XKR9: variants seen among roughly 807,000 people sequenced by gnomAD.
The protein encoded by XKR9 is XK related 9.
XKR9 carries 32 observed loss-of-function variants against 32.0 expected under a neutral mutation model. The ratio of observed to expected loss-of-function variants is 1.00; its 90% CI spans 0.76 to 1.34. The LOEUF (loss-of-function observed/expected upper bound fraction) is 1.34. XKR9 is among the 40% of genes most tolerant of loss of function. The pLI is 0.00. For missense variants in XKR9, 546 were observed against 429.7 expected, an observed-to-expected ratio of 1.27 and a Z score of -2.39; for synonymous variants, 168 against 143.4, an observed-to-expected ratio of 1.17 and a Z score of -1.22.
At chr8:70,961,594 TA>T in the XKR9 span, among the ~76,000 whole-genome samples, 72 of 152,328 alleles carry the variant, frequency 4.7e-4, no homozygotes, top group Middle Eastern at 3.4e-3. Context: ...ATATTTCAAT[TA>T]AAAAATATCT....
chr8:70,803,429 T>C, the XKR9 span, among the ~76,000 whole-genome samples: 1 of 152,228 alleles, frequency 6.6e-6, no homozygotes, highest in Non-Finnish European at 1.5e-5. Context: ...ATATTCTAAA[T>C]TCTACTTCTG....
At chr8:71,026,649 A>G in the XKR9 span, among the ~76,000 whole-genome samples, 2 of 152,228 alleles carry the variant, frequency 1.3e-5, no homozygotes, top group Non-Finnish European at 2.9e-5. Flanking sequence ...CACCAAATAA[A>G]CAATTATACA....
the XKR9 span, among the ~76,000 whole-genome samples, chr8:70,834,199 TTTATC>T: frequency 6.6e-6 from 1 of 152,026 alleles, no homozygotes; most frequent in African/African-American, 2.4e-5. Flanking sequence ...TTATAAAAAT[TTTATC>T]TGATATATAA....
the XKR9 span, among the ~76,000 whole-genome samples, chr8:70,968,208 T>G: frequency 6.6e-6 from 1 of 152,244 alleles, no homozygotes; most frequent in Non-Finnish European, 1.5e-5. Context: ...CTGAGATTTT[T>G]TCCTCCATTT....
chr8:70,889,948 G>T, the XKR9 span, among the ~76,000 whole-genome samples: 1 of 152,038 alleles, frequency 6.6e-6, no homozygotes, highest in Non-Finnish European at 1.5e-5. Flanking sequence ...TAATGGGACT[G>T]CTGGGGTTGA....
At chr8:70,984,500 T>A in the XKR9 span, among the ~76,000 whole-genome samples, 1 of 152,210 alleles carries the variant, frequency 6.6e-6, no homozygotes, top group Non-Finnish European at 1.5e-5. Flanking sequence ...CAGTAAAACA[T>A]AAGCCAGCAA....
chr8:71,050,446 A>G, the XKR9 span, among the ~76,000 whole-genome samples: 1 of 152,112 alleles, frequency 6.6e-6, no homozygotes, highest in Non-Finnish European at 1.5e-5. Flanking sequence ...GTAATGATAT[A>G]CGGGGAAGAC....
intron 2 of XKR9, among the ~76,000 whole-genome samples, chr8:70,779,858 G>T (rs1346192014): frequency 6.6e-6 from 1 of 151,796 alleles, no homozygotes; most frequent in Non-Finnish European, 1.5e-5. Flanking sequence ...TTCTTTATTA[G>T]TCTTGCTAGC....
At chr8:70,926,955 A>G in the XKR9 span, among the ~76,000 whole-genome samples, 1 of 151,974 alleles carries the variant, frequency 6.6e-6, no homozygotes, top group Non-Finnish European at 1.5e-5. Context: ...TTCTACCATT[A>G]TTTCTAGAGT....
the XKR9 span, among the ~76,000 whole-genome samples, chr8:70,875,922 C>G: frequency 6.6e-6 from 1 of 151,856 alleles, no homozygotes; most frequent in Admixed American, 6.6e-5. Context: ...AATATATCAG[C>G]AAACCATAAA....
the XKR9 span, among the ~76,000 whole-genome samples, chr8:70,909,053 G>GTTTTTTTTTTTTT: frequency 6.6e-6 from 1 of 151,894 alleles, no homozygotes; most frequent in Non-Finnish European, 1.5e-5. Flanking sequence ...CCCATTTTAG[G>GTTTTTTTTTTTTT]TTTTTTTATT....
At chr8:70,881,807 C>G in the XKR9 span, among the ~76,000 whole-genome samples, 1 of 152,204 alleles carries the variant, frequency 6.6e-6, no homozygotes, top group Non-Finnish European at 1.5e-5. Flanking sequence ...TATAAAGACA[C>G]TTGCAAACGT....
At chr8:70,952,294 A>G in the XKR9 span, among the ~76,000 whole-genome samples, 2 of 152,120 alleles carry the variant, frequency 1.3e-5, no homozygotes, top group African/African-American at 4.8e-5. Flanking sequence ...ACATGGTGTG[A>G]TGCTTCTGGA....
Position 70,753,091 on chromosome 8 carries a change from C to T in XKR9, n.353-36248C>T, listed in dbSNP as rs191176148. Among the ~76,000 whole-genome samples, 1,095 of 147,368 alleles carry T rather than the reference C, an allele frequency of 7.4e-3. 10 individuals are homozygous for T. Among genetic ancestry groups the T allele is most frequent in the African/African-American group, 0.023 (932 of 40,930 alleles). Reference sequence around the variant, plus strand: ...AAAATGATAAAGGGGACATCACCACCGATCCCACAGAAATACAAACTACCA... The same window carrying T: ...AAAATGATAAAGGGGACATCACCACTGATCCCACAGAAATACAAACTACCA... On this transcript the variant is annotated intron_variant and non_coding_transcript_variant, in intron 2 of 3. Transcript: ENST00000520273.
At chr8:70,976,244 C>G in the XKR9 span, among the ~76,000 whole-genome samples, 3 of 107,676 alleles carry the variant, frequency 2.8e-5, no homozygotes, top group African/African-American at 1.1e-4. Flanking sequence ...TTGCCCTGGC[C>G]AGAACTTTCA....
chr8:70,922,296 A>G, the XKR9 span, among the ~76,000 whole-genome samples: 1 of 152,184 alleles, frequency 6.6e-6, no homozygotes, highest in Non-Finnish European at 1.5e-5. Flanking sequence ...AAACATTTAG[A>G]AGCGCCACTC....
At chr8:70,694,694 G>A (rs962334278) in intron 3 of XKR9, among the ~76,000 whole-genome samples, 9 of 152,210 alleles carry the variant, frequency 5.9e-5, no homozygotes, top group South Asian at 2.1e-4. Flanking sequence ...GTGCAATGCC[G>A]CTATTGGTAG....
intron 2 of XKR9, among the ~76,000 whole-genome samples, chr8:70,788,267 TTAAG>T (rs1807716886): frequency 6.6e-6 from 1 of 152,102 alleles, no homozygotes; most frequent in Non-Finnish European, 1.5e-5. Context: ...TCTGATGTTA[TTAAG>T]TGTTAGTTGT....
the XKR9 span, among the ~76,000 whole-genome samples, chr8:70,987,805 G>A: frequency 1.3e-5 from 2 of 152,148 alleles, no homozygotes; most frequent in Non-Finnish European, 2.9e-5. Flanking sequence ...AGCTCTCCAT[G>A]AGGACCCCAC....
Sources: gnomAD v4.1 joint callset for allele counts (sites outside exome capture counted in the v4.1 genomes callset) on GRCh38, gnomAD v4.1.1 for gene constraint, MANE v1.5 for transcripts, NCBI Gene and HGNC (gene_info 2026-07-23, HGNC 2026-07-21) for gene names.